The following EFR3B variants were observed in gnomAD, a reference collection of about 807,000 sequenced individuals.
The protein encoded by EFR3B is EFR3 homolog B, also known as protein EFR3 homolog B.
Under a neutral mutation model 104.7 loss-of-function variants are expected in EFR3B, and 64 were observed. The observed-to-expected ratio is 0.61, with a 90% CI of 0.50 to 0.75. The LOEUF is 0.75. EFR3B is among the 30% of genes least tolerant of loss of function. EFR3B has a pLI of 0.00. For missense variants in EFR3B, 750 were observed against 1,078.5 expected (o/e 0.70, Z 4.27); for synonymous variants, 385 against 417.9 (o/e 0.92, Z 0.96).
At chr2:25,068,080 C>T (rs1181939965) in intron 1 of EFR3B, among the ~76,000 whole-genome samples, 1 of 152,142 alleles carries the variant, frequency 6.6e-6, no homozygotes, top group Non-Finnish European at 1.5e-5. Context: ...GGTGCAGATA[C>T]CCAGACATGG....
intron 1 of EFR3B, among the ~76,000 whole-genome samples, chr2:25,044,106 C>A (rs771177962): frequency 7.9e-5 from 12 of 152,154 alleles, no homozygotes; most frequent in Non-Finnish European, 1.6e-4. Flanking sequence ...GTTTTCATTT[C>A]TCTTTTATAA....
At chr2:25,089,792 G>A (rs1669061662) in intron 1 of EFR3B, among the ~76,000 whole-genome samples, 1 of 152,166 alleles carries the variant, frequency 6.6e-6, no homozygotes, top group Non-Finnish European at 1.5e-5. Context: ...GCCTGGGCAT[G>A]CAGCCCGCCC....
At chr2:25,060,060 G>A (rs1222172364) in intron 1 of EFR3B, among the ~76,000 whole-genome samples, 1 of 151,844 alleles carries the variant, frequency 6.6e-6, no homozygotes, top group Non-Finnish European at 1.5e-5. Context: ...AGCCAGGTGT[G>A]GTGGCGCGGC....
At position 25,042,676 on chromosome 2, in the gene EFR3B, TG is replaced by T; in HGVS notation, c.7+360del. ...GGAATTAACAAAAGCGGTTTGTGCC[TG>T]GGAGTTTTCTGTGGGAAGCCGGTCC... On this transcript the variant is annotated intron_variant, in intron 1 of 22. Transcript: ENST00000403714. The surrounding 1 kb of genome is among the most constrained non-coding windows in gnomAD (Gnocchi z 5.4). 9.7e-7 allele frequency: 1 copy of T among 1,027,802 alleles called. No homozygotes were observed. The highest frequency in any genetic ancestry group is 1.2e-6 in the Non-Finnish European group (1 of 857,578). 63.7% of individuals were successfully genotyped at this position (1,027,802 alleles called of 1,614,324 possible).
At position 25,155,466 on chromosome 2, in the gene EFR3B, C is replaced by T. The variant is rs1038413386; in HGVS notation, c.*1126C>T. On this transcript the variant is annotated 3_prime_UTR_variant, in exon 23 of 23. Transcript: ENST00000403714. ...GTGGCTTGGGAGGAGCCATGGAGACCCCTTTGGGTTCTGGGTTCCTGTTTT... is the reference window on the plus strand; with the variant it reads ...GTGGCTTGGGAGGAGCCATGGAGACTCCTTTGGGTTCTGGGTTCCTGTTTT... 6.6e-6 allele frequency: 1 copy of T among 152,184 alleles called. No individual in the cohort carries two copies. The highest frequency in any genetic ancestry group is 2.4e-5 in the African/African-American group (1 of 41,398). The allele number at this position is 152,184 out of a possible 1,614,324, so 9.4% of individuals were successfully genotyped here.
intron 1 of EFR3B, chr2:25,079,794 A>G (rs547237196): frequency 2.7e-5 from 18 of 671,688 alleles, no homozygotes; most frequent in Non-Finnish European, 4.5e-5. Flanking sequence ...GTATACCTAC[A>G]TGGCAATTAC....
chr2:25,132,813 C>A, intron 10 of EFR3B, 90 bp from the exon 11 acceptor site: 1 of 1,057,046 alleles, frequency 9.5e-7, no homozygotes, highest in Non-Finnish European at 1.4e-6. Flanking sequence ...CGGAGAGAGG[C>A]AGCCCTCGCT....
chr2:25,053,393 A>G lies in EFR3B; in HGVS notation c.7+11074A>G, dbSNP rs914780709. On this transcript the variant is annotated intron_variant, in intron 1 of 22. Coordinates refer to ENST00000403714, the MANE Select transcript of EFR3B (RefSeq NM_014971.2). ...GCGGAAGACAGTACAAGCACCGACA[A>G]TGGCCTGGAAAGAAAGCATGGGCAT... is the stretch of plus-strand genomic sequence containing the variant. Among the ~76,000 whole-genome samples the G allele has an allele frequency of 3.3e-5, 5 of 152,192 alleles. No homozygotes were observed. The East Asian group carries it at 9.6e-4, about 29-fold the overall frequency.
At chr2:25,151,264 GTTTATT>G (rs1558622630) in intron 20 of EFR3B, among the ~76,000 whole-genome samples, 1 of 150,858 alleles carries the variant, frequency 6.6e-6, no homozygotes, top group Non-Finnish European at 1.5e-5. Context: ...TTCTTTTTTT[GTTTATT>G]TTTGAGATGG....
In EFR3B at chr2:25,059,619, G is replaced by GT. The variant is rs1194445640; in HGVS notation, c.7+17303dup. ...TGGGGAATTGTTGTTACTGGGTAGAGTTTCAGTTTTGCAAGGTGAAAAGAA... is the reference window on the plus strand; with the variant it reads ...TGGGGAATTGTTGTTACTGGGTAGAGTTTTCAGTTTTGCAAGGTGAAAAGAA... On this transcript the variant is annotated intron_variant, in intron 1 of 22. Coordinates refer to ENST00000403714, the MANE Select transcript of EFR3B (RefSeq NM_014971.2). Among the ~76,000 whole-genome samples the GT allele has an allele frequency of 1.0e-4, 15 of 149,402 alleles. No homozygotes were observed. The Admixed American group carries it at 1.0e-3, about 10-fold the overall frequency.
At chr2:25,059,742 G>A (rs1668133920) in intron 1 of EFR3B, among the ~76,000 whole-genome samples, 1 of 151,964 alleles carries the variant, frequency 6.6e-6, no homozygotes, top group African/African-American at 2.4e-5. Flanking sequence ...GGGCGTGGTG[G>A]CACATTGCTG....
Position 25,137,022 on chromosome 2 carries a change from A to G in EFR3B, c.1561-319A>G, listed in dbSNP as rs1670534583. ...AGCTACGTCTCCTCCCTCTGTGGCTATGTGTTAAGCTGACCTCTCTGAGGA... is the reference window on the plus strand; with the variant it reads ...AGCTACGTCTCCTCCCTCTGTGGCTGTGTGTTAAGCTGACCTCTCTGAGGA... On this transcript the variant is annotated intron_variant, in intron 14 of 22. Coordinates refer to ENST00000403714, the MANE Select transcript of EFR3B (RefSeq NM_014971.2). The surrounding 1 kb of genome is among the most constrained non-coding windows in gnomAD (Gnocchi z 4.7). 6.6e-6 allele frequency among the ~76,000 whole-genome samples: 1 copy of G among 151,944 alleles called. No individual in the cohort carries two copies. The highest frequency in any genetic ancestry group is 2.4e-5 in the African/African-American group (1 of 41,364).
At chr2:25,133,319 C>A in intron 11 of EFR3B, 64 bp from the exon 12 acceptor site, 1 of 1,490,722 alleles carries the variant, frequency 6.7e-7, no homozygotes, top group Non-Finnish European at 9.2e-7. Flanking sequence ...TAGAACTAAG[C>A]TGGCAAGTGT....
At chr2:25,091,448 G>A (rs1434545705) in intron 2 of EFR3B, 47 bp downstream of exon 2, 1 of 1,513,818 alleles carries the variant, frequency 6.6e-7, no homozygotes, top group East Asian at 2.5e-5. Flanking sequence ...GGTCCAGGCA[G>A]GGCCTCTGAC....
At chr2:25,053,310 T>C (rs951703121) in intron 1 of EFR3B, among the ~76,000 whole-genome samples, 2 of 152,146 alleles carry the variant, frequency 1.3e-5, no homozygotes, top group Non-Finnish European at 2.9e-5. Flanking sequence ...AGGAAGAGCT[T>C]TGGGGACCAC....
At chr2:25,086,828 A>G (rs1414462958) in intron 1 of EFR3B, among the ~76,000 whole-genome samples, 1 of 152,158 alleles carries the variant, frequency 6.6e-6, no homozygotes, top group Non-Finnish European at 1.5e-5. Context: ...CCTGACCTCA[A>G]GTGATCTGCC....
chr2:25,061,247 C>T (rs974305650), intron 1 of EFR3B, among the ~76,000 whole-genome samples: 1 of 151,790 alleles, frequency 6.6e-6, no homozygotes, highest in Admixed American at 6.6e-5. Flanking sequence ...CCTCAGCCTC[C>T]GGAGTAGCTC....
intron 11 of EFR3B, 122 bp downstream of exon 11, chr2:25,133,136 C>A: frequency 1.0e-6 from 1 of 979,460 alleles, no homozygotes; most frequent in Non-Finnish European, 1.5e-6. Flanking sequence ...ACTCCCAAAT[C>A]CCTCAGCAGC....
At chr2:25,081,181 A>G in intron 1 of EFR3B, 1 of 753,368 alleles carries the variant, frequency 1.3e-6, no homozygotes. Flanking sequence ...TTGGTAAACA[A>G]CTTTTTCCCA....
Sources: allele counts gnomAD v4.1 joint callset (sites outside exome capture counted in the v4.1 genomes callset), GRCh38; gene constraint gnomAD v4.1.1; non-coding constraint Gnocchi (gnomAD v3.1); transcripts MANE v1.5; gene names NCBI Gene and HGNC (gene_info 2026-07-23, HGNC 2026-07-21).